The following PRUNE1 variants were observed in gnomAD, a reference collection of about 807,000 sequenced individuals.
PRUNE1 encodes prune exopolyphosphatase 1.
Under a neutral mutation model 42.5 loss-of-function variants are expected in PRUNE1, and 25 were observed. The observed-to-expected ratio is 0.59, with a 90% CI of 0.43 to 0.82. The LOEUF (loss-of-function observed/expected upper bound fraction) is 0.82. Ranked by LOEUF, PRUNE1 falls within the 40% of genes least tolerant of loss-of-function variation. The pLI is 0.00. For missense variants in PRUNE1, 443 were observed against 539.3 expected, an observed-to-expected ratio of 0.82 and a Z score of 1.77; for synonymous variants, 203 against 217.1, an observed-to-expected ratio of 0.93 and a Z score of 0.57.
At chr1:151,009,328 A>G (rs1355380414) in intron 1 of PRUNE1, among the ~76,000 whole-genome samples, 3 of 152,252 alleles carry the variant, frequency 2.0e-5, no homozygotes, top group Non-Finnish European at 4.4e-5. Flanking sequence ...CTTAACGCAC[A>G]CAAATGACAT....
chr1:151,015,381 A>G (rs1296974049), intron 1 of PRUNE1, among the ~76,000 whole-genome samples: 1 of 147,544 alleles, frequency 6.8e-6, no homozygotes, highest in Admixed American at 6.8e-5. Flanking sequence ...CATGCCTGTA[A>G]TCCCAGCACT....
chr1:151,028,757 T>C (rs1423146282), intron 6 of PRUNE1, 29 bp from the exon 7 acceptor site: 1 of 1,607,428 alleles, frequency 6.2e-7, no homozygotes, highest in South Asian at 1.1e-5. Flanking sequence ...GAGAAAGTCC[T>C]TCATCCCTCT....
At chr1:151,029,448 A>G (rs1378516086) in intron 7 of PRUNE1, among the ~76,000 whole-genome samples, 1 of 147,626 alleles carries the variant, frequency 6.8e-6, no homozygotes, top group Non-Finnish European at 1.5e-5. Flanking sequence ...GCTCACTGCA[A>G]GCTCTGCCTC....
At position 151,018,671 on chromosome 1, in the gene PRUNE1, T is replaced by G. The variant is rs587655806; in HGVS notation, c.335+2T>G. 1.2e-6 allele frequency: 2 copies of G among 1,612,708 alleles called. No homozygotes were observed. The highest frequency in any genetic ancestry group is 2.2e-5 in the South Asian group (2 of 91,046). On this transcript the variant is annotated splice_donor_variant, in intron 3 of 7. Transcript: ENST00000271620. LOFTEE classifies it high-confidence loss of function. ...TGTCGACCATCATATCTTATCCAAG[T>G]AAGCACAAGGAAATTAAATTGCTAC...
intron 1 of PRUNE1, among the ~76,000 whole-genome samples, chr1:151,015,225 C>T (rs1558074820): frequency 6.7e-6 from 1 of 149,796 alleles, no homozygotes; most frequent in African/African-American, 2.5e-5. Flanking sequence ...TACAGCTACT[C>T]GGGAGGCTGA....
Position 151,018,460 on chromosome 1 carries a change from T to A in PRUNE1, c.133-7T>A. 6.2e-7 allele frequency: 1 copy of A among 1,604,736 alleles called. No individual in the cohort carries two copies. The highest frequency in any genetic ancestry group is 8.5e-7 in the Non-Finnish European group (1 of 1,171,834). ...TTGTGATACCTTCTTTTCACTTTCC[T>A]ATCTAGACAACTGAGGCTGAGGAAG... On this transcript the variant is annotated splice_region_variant and splice_polypyrimidine_tract_variant and intron_variant, in intron 2 of 7. Transcript: ENST00000271620.
intron 1 of PRUNE1, among the ~76,000 whole-genome samples, chr1:151,013,201 G>A (rs1276155635): frequency 6.6e-6 from 1 of 152,190 alleles, no homozygotes; most frequent in Non-Finnish European, 1.5e-5. Context: ...AGAACAAATA[G>A]TGCAAAGGGC....
chr1:151,010,012 T>C (rs1673658810), intron 1 of PRUNE1, among the ~76,000 whole-genome samples: 1 of 152,222 alleles, frequency 6.6e-6, no homozygotes, highest in Non-Finnish European at 1.5e-5. Flanking sequence ...CACCAAATAG[T>C]ATTTCTTTGC....
At position 151,034,320 on chromosome 1, in the gene PRUNE1, T is replaced by C; in HGVS notation, c.*86T>C. The C allele has an allele frequency of 7.4e-7, 1 of 1,360,112 alleles. No homozygotes were observed. Among genetic ancestry groups the C allele is most frequent in the East Asian group, 2.3e-5 (1 of 43,192 alleles). The allele number at this position is 1,360,112 out of a possible 1,614,324, so 84.3% of individuals were successfully genotyped here. On this transcript the variant is annotated 3_prime_UTR_variant, in exon 8 of 8. Transcript: ENST00000271620. ...GAGATGTTTGGAGATTCAGCAATTC[T>C]GTCTTCATTGCTCCAGGATCTGGTA...
At chr1:151,015,115 G>A (rs902834560) in intron 1 of PRUNE1, among the ~76,000 whole-genome samples, 1 of 151,886 alleles carries the variant, frequency 6.6e-6, no homozygotes, top group Non-Finnish European at 1.5e-5. Context: ...ATCACCTGAG[G>A]TCAGGAGTTC....
Position 151,025,636 on chromosome 1 carries a change from A to G in PRUNE1, c.642A>G (p.Ile214Met). 2 of 1,613,858 alleles carry G rather than the reference A, an allele frequency of 1.2e-6. No homozygotes were observed. The highest frequency in any genetic ancestry group is 1.7e-6 in the Non-Finnish European group (2 of 1,179,838). The change falls in exon 5 of 8, where the codon ATA (isoleucine) becomes ATG (methionine). Residue 214 changes from isoleucine (I) to methionine (M), a missense_variant. Transcript: ENST00000271620. ...CAGACCTACCCAAGAGAAATGATAT[A>G]TTTGATTCCCTACAAAAGGCAAAGT... Reference protein sequence around the residue: ...LFPDLPKRNDIFDSLQKAKFD... With the variant: ...LFPDLPKRNDMFDSLQKAKFD...
rs113485061 is a variant in PRUNE1 at position 151,027,028 on chromosome 1, C to T, written c.680-205C>T. Among the ~76,000 whole-genome samples the T allele has an allele frequency of 7.7e-3, 1,168 of 151,502 alleles. 11 individuals are homozygous for T. Among genetic ancestry groups the T allele is most frequent in the Middle Eastern group, 0.031 (9 of 294 alleles). ...CCCAAACTCCTGACCTCAGGTGATC[C>T]GCCCACCTCAGCCTCCCAAAGTGCT... On this transcript the variant is annotated intron_variant, in intron 5 of 7. Coordinates refer to ENST00000271620, the MANE Select transcript of PRUNE1 (RefSeq NM_021222.3).
At chr1:151,032,207 T>G (rs1349202450) in intron 7 of PRUNE1, among the ~76,000 whole-genome samples, 1 of 151,064 alleles carries the variant, frequency 6.6e-6, no homozygotes, top group East Asian at 1.9e-4. Context: ...ATCGTGCCAC[T>G]GTACTCCAGC....
chr1:151,015,060 G>T (rs932773867), intron 1 of PRUNE1, among the ~76,000 whole-genome samples: 9 of 152,244 alleles, frequency 5.9e-5, no homozygotes, highest in African/African-American at 2.2e-4. Context: ...GGGCGTGGTG[G>T]CTCACGCCTG....
intron 6 of PRUNE1, among the ~76,000 whole-genome samples, chr1:151,028,407 T>G (rs1162028991): frequency 1.3e-5 from 2 of 151,774 alleles, no homozygotes; most frequent in African/African-American, 4.8e-5. Flanking sequence ...GCCCAGCTAA[T>G]TTTTTGTTTT....
Position 151,024,647 on chromosome 1 carries a change from G to A in PRUNE1, c.372G>A (p.Val124=). The change falls in exon 4 of 8, where the codon GTG becomes GTA. Residue 124 remains valine, a synonymous_variant. Coordinates refer to ENST00000271620, the MANE Select transcript of PRUNE1 (RefSeq NM_021222.3). ...CCCTAGAGGAGGCAGTAGCAGAGGTGCTAGACCATCGACCCATCGAGCCGA... is the reference window on the plus strand; with the variant it reads ...CCCTAGAGGAGGCAGTAGCAGAGGTACTAGACCATCGACCCATCGAGCCGA... ...DTALEEAVAE[V]LDHRPIEPKH... is the part of the protein sequence containing the mutation. 1 of 1,613,140 alleles carries A rather than the reference G, an allele frequency of 6.2e-7. No homozygotes were observed. Among genetic ancestry groups the A allele is most frequent in the Non-Finnish European group, 8.5e-7 (1 of 1,179,086 alleles).
chr1:151,024,766 T>C lies in PRUNE1; in HGVS notation c.491T>C (p.Leu164Ser). ...ATCCTGCAGGGGGCACCAGAGATCT[T>C]GGACAGGCAAACTGCAGCCCTTCTG... ...ERILQGAPEI[L>S]DRQTAALLHG... The change falls in exon 4 of 8, where the codon TTG becomes TCG. Residue 164 changes from leucine to serine, a missense_variant. By Grantham distance (145) the Leu-to-Ser change is moderately radical (BLOSUM62 -2). Coordinates refer to ENST00000271620, the MANE Select transcript of PRUNE1 (RefSeq NM_021222.3). 1 of 1,613,784 alleles carries C rather than the reference T, an allele frequency of 6.2e-7. No individual in the cohort carries two copies. The highest frequency in any genetic ancestry group is 8.5e-7 in the Non-Finnish European group (1 of 1,179,826).
At chr1:151,027,584 ATTTT>A (rs34162206) in intron 6 of PRUNE1, among the ~76,000 whole-genome samples, 1 of 134,998 alleles carries the variant, frequency 7.4e-6, no homozygotes, top group Admixed American at 7.7e-5. Flanking sequence ...GTCTTTTTTA[ATTTT>A]TTTTTTTTTT....
chr1:151,021,804 G>A lies in PRUNE1; in HGVS notation c.336-2807G>A, dbSNP rs113462292. Among the ~76,000 whole-genome samples, 64 of 149,632 alleles carry A rather than the reference G, an allele frequency of 4.3e-4. 1 individual carries two copies. Among genetic ancestry groups the A allele is most frequent in the African/African-American group, 1.5e-3 (59 of 40,566 alleles). On this transcript the variant is annotated intron_variant, in intron 3 of 7. Coordinates refer to ENST00000271620, the MANE Select transcript of PRUNE1 (RefSeq NM_021222.3). ...GCAATCTAGGCTCACTGCAACCTCC[G>A]CCTCCCGGGATAATTTTGTGTGTGT...
Sources: allele counts gnomAD v4.1 joint callset (sites outside exome capture counted in the v4.1 genomes callset), GRCh38; gene constraint gnomAD v4.1.1; transcripts MANE v1.5; gene names NCBI Gene and HGNC (gene_info 2026-07-23, HGNC 2026-07-21).